The following KAZN variants were observed in gnomAD, a reference collection of about 807,000 sequenced individuals.
KAZN encodes kazrin, periplakin interacting protein, also known as kazrin.
Under a neutral mutation model 87.4 loss-of-function variants are expected in KAZN, and 40 were observed. The observed-to-expected ratio is 0.46, with a 90% CI of 0.36 to 0.60. KAZN has a LOEUF of 0.60. Among genes scored for constraint, KAZN ranks in the 20% least tolerant of loss-of-function variants. The probability of loss-of-function intolerance (pLI) is 0.00; values close to 1 mark genes in which losing one functional copy is unlikely to be tolerated. For missense variants in KAZN, 898 were observed against 1,073.9 expected, an observed-to-expected ratio of 0.84 and a Z score of 2.29; for synonymous variants, 466 against 458.3, an observed-to-expected ratio of 1.02 and a Z score of -0.22.
intron 8 of KAZN, among the ~76,000 whole-genome samples, chr1:15,076,612 C>T (rs1557782112): frequency 6.6e-6 from 1 of 152,232 alleles, no homozygotes; most frequent in African/African-American, 2.4e-5. Context: ...GGAACCCAGG[C>T]CCTGAGTCTG....
intron 1 of KAZN, among the ~76,000 whole-genome samples, chr1:13,940,076 A>T (rs1305847714): frequency 6.6e-6 from 1 of 152,144 alleles, no homozygotes; most frequent in Non-Finnish European, 1.5e-5. Flanking sequence ...TAAATCAGGG[A>T]TACTCACCTG....
chr1:14,464,148 T>A (rs950517303), intron 2 of KAZN, among the ~76,000 whole-genome samples: 1 of 152,204 alleles, frequency 6.6e-6, no homozygotes, highest in Non-Finnish European at 1.5e-5. Flanking sequence ...GTGCAACACA[T>A]GCTCCCTCCC....
chr1:14,764,319 A>G (rs1240158435), intron 1 of KAZN, among the ~76,000 whole-genome samples: 4 of 151,682 alleles, frequency 2.6e-5, no homozygotes, highest in Admixed American at 1.3e-4. Flanking sequence ...CCCCTTCCCA[A>G]TAAGCCTTCT....
chr1:14,927,664 TCTGTAA>T (rs1298092763), intron 1 of KAZN, among the ~76,000 whole-genome samples: 1 of 152,142 alleles, frequency 6.6e-6, no homozygotes, highest in South Asian at 2.1e-4. Flanking sequence ...ACTCTACAGG[TCTGTAA>T]CTGAAGCATC....
intron 2 of KAZN, among the ~76,000 whole-genome samples, chr1:14,398,074 C>T (rs941913963): frequency 6.6e-5 from 10 of 152,120 alleles, no homozygotes; most frequent in African/African-American, 2.4e-4. Flanking sequence ...TCAAGCCCAG[C>T]CTATAGCTGC....
chr1:14,177,150 G>A (rs1171376642), intron 1 of KAZN, among the ~76,000 whole-genome samples: 2 of 151,666 alleles, frequency 1.3e-5, no homozygotes, highest in East Asian at 1.9e-4. Flanking sequence ...ACAGCGAGAC[G>A]CCATCTCAAA....
chr1:14,661,844 AG>A (rs1231845936), intron 1 of KAZN, among the ~76,000 whole-genome samples: 1 of 152,022 alleles, frequency 6.6e-6, no homozygotes, highest in Non-Finnish European at 1.5e-5. Flanking sequence ...TGAATCTGGG[AG>A]GCGGAGGTTA....
At chr1:14,738,270 G>T (rs1339333806) in intron 1 of KAZN, among the ~76,000 whole-genome samples, 2 of 152,152 alleles carry the variant, frequency 1.3e-5, no homozygotes, top group Non-Finnish European at 2.9e-5. Context: ...AGCATGATTT[G>T]CCTGTGGTGT....
In KAZN at chr1:14,093,041, A is replaced by G. The variant is rs75479645; in HGVS notation, c.92-87394A>G. 4.8e-3 allele frequency among the ~76,000 whole-genome samples: 724 copies of G among 152,258 alleles called. 9 individuals carry two copies. The highest frequency in any genetic ancestry group is 0.016 in the African/African-American group (655 of 41,540). On this transcript the variant is annotated intron_variant, in intron 1 of 16. Transcript: ENST00000636203. The stretch of plus-strand genomic sequence containing the variant: ...TATTCTCGTACTCTGTTATCAAGCC[A>G]TAAGTCCCTGTTGCATCTGCCCCAT...
intron 1 of KAZN, among the ~76,000 whole-genome samples, chr1:14,093,514 C>G (rs920906998): frequency 1.3e-5 from 2 of 152,060 alleles, no homozygotes; most frequent in Non-Finnish European, 2.9e-5. Flanking sequence ...CCCTGTCTGC[C>G]TGATATGACA....
At chr1:14,432,581 T>A (rs576188463) in intron 2 of KAZN, among the ~76,000 whole-genome samples, 1 of 152,272 alleles carries the variant, frequency 6.6e-6, no homozygotes, top group Admixed American at 6.5e-5. Flanking sequence ...TACTTTAAGT[T>A]CCGGGATACA....
chr1:14,818,697 G>A (rs975093747), intron 1 of KAZN, among the ~76,000 whole-genome samples: 6 of 152,158 alleles, frequency 3.9e-5, no homozygotes, highest in South Asian at 2.1e-4. Context: ...AGCAGACCTC[G>A]GATGCATTCC....
intron 3 of KAZN, among the ~76,000 whole-genome samples, chr1:15,043,515 T>C (rs1387241933): frequency 6.6e-6 from 1 of 152,052 alleles, no homozygotes; most frequent in Non-Finnish European, 1.5e-5. Flanking sequence ...GAGTGTCTAC[T>C]GGGTTCGTCT....
At position 14,050,149 on chromosome 1, in the gene KAZN, T is replaced by C. The variant is rs923277682; in HGVS notation, c.92-130286T>C. The stretch of plus-strand genomic sequence containing the variant: ...GCATGTGCACATGTGTGGATTTGGG[T>C]ATGCTTGTGCGCGTGTGTGGGTGTG... On this transcript the variant is annotated intron_variant, in intron 1 of 16. Coordinates refer to the KAZN transcript ENST00000636203. Among the ~76,000 whole-genome samples, 51 of 135,558 alleles carry C rather than the reference T, an allele frequency of 3.8e-4. 1 individual carries two copies. Among genetic ancestry groups the C allele is most frequent in the Non-Finnish European group, 5.8e-4 (34 of 58,156 alleles). The allele number at this position is 135,558 out of a possible 152,430, so 88.9% of individuals were successfully genotyped here.
At chr1:15,044,242 A>T in intron 4 of KAZN, 83 bp downstream of exon 4, 6 of 562,648 alleles carry the variant, frequency 1.1e-5, no homozygotes, top group South Asian at 3.0e-5. Context: ...ACCGACTCAC[A>T]TCGGAGACCT....
intron 2 of KAZN, among the ~76,000 whole-genome samples, chr1:14,492,385 ACT>A (rs1212910830): frequency 2.0e-5 from 3 of 151,554 alleles, no homozygotes; most frequent in African/African-American, 7.3e-5. Flanking sequence ...TCACTCATTC[ACT>A]CATTCTGTCA....
intron 1 of KAZN, among the ~76,000 whole-genome samples, chr1:13,966,060 C>T (rs1165908091): frequency 1.3e-5 from 2 of 152,160 alleles, no homozygotes; most frequent in Non-Finnish European, 2.9e-5. Context: ...CCTTCTTTCT[C>T]ATCAGACCCG....
intron 13 of KAZN, among the ~76,000 whole-genome samples, chr1:15,107,862 A>G (rs952456996): frequency 6.6e-6 from 1 of 152,154 alleles, no homozygotes; most frequent in Non-Finnish European, 1.5e-5. Context: ...ATAGGGGAAT[A>G]TGACTCATAC....
intron 4 of KAZN, among the ~76,000 whole-genome samples, chr1:15,052,592 ATGTG>A (rs750298385): frequency 3.3e-5 from 5 of 151,622 alleles, no homozygotes; most frequent in Non-Finnish European, 7.4e-5. Flanking sequence ...ATGTGTGTGC[ATGTG>A]TGTATGTGTG....
Sources: allele counts gnomAD v4.1 joint callset (sites outside exome capture counted in the v4.1 genomes callset), GRCh38; gene constraint gnomAD v4.1.1; transcripts MANE v1.5; gene names NCBI Gene and HGNC (gene_info 2026-07-23, HGNC 2026-07-21).